The following COL27A1 variants were observed in gnomAD, a reference collection of about 807,000 sequenced individuals.
The protein encoded by COL27A1 is collagen alpha-1(XXVII) chain.
A neutral mutation model predicts 251.3 loss-of-function variants in COL27A1; 106 were observed. The ratio of observed to expected loss-of-function variants is 0.42; its 90% CI spans 0.36 to 0.50. The LOEUF is 0.50. COL27A1 is among the 20% of genes least tolerant of loss of function. The probability of loss-of-function intolerance (pLI) is 0.00; values close to 1 mark genes in which losing one functional copy is unlikely to be tolerated. For missense variants in COL27A1, 2,325 were observed against 2,522.8 expected (o/e 0.92, Z 1.68); for synonymous variants, 1,000 against 986.3 (o/e 1.01, Z -0.26).
intron 31 of COL27A1, 29 bp from the exon 32 acceptor site, chr9:114,265,393 C>T: frequency 6.2e-7 from 1 of 1,611,374 alleles, no homozygotes; most frequent in Non-Finnish European, 8.5e-7. Context: ...CATGGAGGGC[C>T]TAAGGTCACC....
chr9:114,281,265 C>T (rs1466956927), intron 37 of COL27A1, among the ~76,000 whole-genome samples: 1 of 152,238 alleles, frequency 6.6e-6, no homozygotes, highest in Non-Finnish European at 1.5e-5. Flanking sequence ...CCATCCTGAC[C>T]TAGTATGGCC....
intron 3 of COL27A1, among the ~76,000 whole-genome samples, chr9:114,174,936 G>T (rs1431532219): frequency 1.1e-5 from 1 of 89,988 alleles, no homozygotes; most frequent in Non-Finnish European, 2.3e-5. Context: ...CAGAGTCGAG[G>T]CCTAGAGATC....
At chr9:114,298,776 A>G (rs1158388558) in intron 49 of COL27A1, among the ~76,000 whole-genome samples, 2 of 152,392 alleles carry the variant, frequency 1.3e-5, no homozygotes, top group African/African-American at 2.4e-5. Context: ...AGCGAAGTAC[A>G]TAGATTGGAC....
chr9:114,261,808 A>G (rs1003229501), intron 28 of COL27A1, among the ~76,000 whole-genome samples: 3 of 152,178 alleles, frequency 2.0e-5, no homozygotes, highest in Admixed American at 6.5e-5. Context: ...TGGCTCCTCC[A>G]TTTCCTAGCT....
chr9:114,310,834 G>T lies in COL27A1; in HGVS notation c.*139G>T. The T allele has an allele frequency of 1.2e-6, 1 of 808,510 alleles. No individual in the cohort carries two copies. The allele number at this position is 808,510 out of a possible 1,614,324, so 50.1% of individuals were successfully genotyped here. ...CTTGGGCAGACCCCAGCTGTTGTCT[G>T]CCCAGTAGAAGTGGGTGGGGGTAGG... On this transcript the variant is annotated 3_prime_UTR_variant, in exon 61 of 61. Transcript: ENST00000356083.
intron 36 of COL27A1, 129 bp downstream of exon 36, chr9:114,270,910 G>C: frequency 1.3e-6 from 1 of 749,974 alleles, no homozygotes; most frequent in African/African-American, 1.8e-5. Context: ...AGCTCCCATT[G>C]ACAGCAGCTT....
In COL27A1 at chr9:114,237,045, G is replaced by A. The variant is rs1832448748; in HGVS notation, c.2673+11G>A. 1 of 1,594,326 alleles carries A rather than the reference G, an allele frequency of 6.3e-7. No individual in the cohort carries two copies. Among genetic ancestry groups the A allele is most frequent in the Non-Finnish European group, 8.5e-7 (1 of 1,170,322 alleles). ...AAGCCAGGGCCTCTGGTAAGTACCT[G>A]CTCCTCCAGCACCCCCAAACCTCAC... On this transcript the variant is annotated intron_variant, in intron 18 of 60. Transcript: ENST00000356083.
intron 5 of COL27A1, among the ~76,000 whole-genome samples, chr9:114,184,959 G>A (rs1828224935): frequency 6.6e-6 from 1 of 152,154 alleles, no homozygotes; most frequent in African/African-American, 2.4e-5. Context: ...AGTGGAGCCT[G>A]TCTCCTCCCA....
At chr9:114,211,293 G>T (rs1830345744) in intron 12 of COL27A1, among the ~76,000 whole-genome samples, 1 of 152,352 alleles carries the variant, frequency 6.6e-6, no homozygotes, top group Admixed American at 6.5e-5. Flanking sequence ...CTCCAGTGCA[G>T]TTCTGTGTCT....
intron 34 of COL27A1, 43 bp from the exon 35 acceptor site, chr9:114,269,198 T>G: frequency 6.7e-7 from 1 of 1,487,726 alleles, no homozygotes; most frequent in Admixed American, 1.9e-5. Flanking sequence ...GAGCTGGGGC[T>G]GGCCCTACCC....
At chr9:114,207,145 G>T (rs763933173) in intron 10 of COL27A1, among the ~76,000 whole-genome samples, 1 of 152,194 alleles carries the variant, frequency 6.6e-6, no homozygotes, top group Non-Finnish European at 1.5e-5. Context: ...CTCAGGAAGG[G>T]GGTCACACAG....
chr9:114,178,314 A>G lies in COL27A1; in HGVS notation c.1932A>G (p.Leu644=), dbSNP rs3810930. 108,265 of 1,612,920 alleles carry G rather than the reference A, an allele frequency of 0.067. 4,130 individuals carry two copies. The highest frequency in any genetic ancestry group is 0.12 in the South Asian group (10,963 of 90,972). The change falls in exon 4 of 61, where the codon CTA becomes CTG. Residue 644 remains leucine (L), a synonymous_variant. Transcript: ENST00000356083. ...GLPGPPGLPG[L]PGIPGARGPR... ...AGGGTCCCCCTGGGCTACCTGGGCT[A>G]CCTGGAATCCCTGGTGCACGTGGGC...
intron 58 of COL27A1, chr9:114,306,981 A>T (rs1829097337): frequency 2.8e-6 from 1 of 358,116 alleles, no homozygotes; most frequent in South Asian, 3.2e-5. Context: ...GTGAGCCAGG[A>T]TTTTCCCCCT....
At chr9:114,193,886 C>T (rs746605623) in intron 5 of COL27A1, among the ~76,000 whole-genome samples, 2 of 152,156 alleles carry the variant, frequency 1.3e-5, no homozygotes, top group Non-Finnish European at 2.9e-5. Context: ...AGAGACTGGT[C>T]ACCTGGAGGA....
intron 11 of COL27A1, among the ~76,000 whole-genome samples, chr9:114,210,555 G>A (rs1282858332): frequency 6.6e-6 from 1 of 152,102 alleles, no homozygotes; most frequent in African/African-American, 2.4e-5. Context: ...TAAGTCAGAG[G>A]AGTCCAAAAG....
At chr9:114,263,382 C>T (rs1756718444) in intron 28 of COL27A1, among the ~76,000 whole-genome samples, 2 of 152,160 alleles carry the variant, frequency 1.3e-5, no homozygotes, top group South Asian at 4.2e-4. Context: ...CCTGGGCTCC[C>T]GGGCCAGGAT....
At chr9:114,286,220 G>A (rs1481229095) in intron 41 of COL27A1, among the ~76,000 whole-genome samples, 2 of 152,142 alleles carry the variant, frequency 1.3e-5, no homozygotes, top group African/African-American at 4.8e-5. Context: ...AGGGAGGAGA[G>A]AGCAGCTTCC....
At chr9:114,206,013 G>A (rs1019501700) in intron 9 of COL27A1, among the ~76,000 whole-genome samples, 2 of 152,144 alleles carry the variant, frequency 1.3e-5, no homozygotes, top group African/African-American at 2.4e-5. Flanking sequence ...AGTAAGAGGA[G>A]GTCTGGTTCT....
chr9:114,290,898 A>G lies in COL27A1; in HGVS notation c.4457A>G (p.Gln1486Arg), dbSNP rs1312120509. The change falls in exon 48 of 61, where the codon CAG becomes CGG. Residue 1486 changes from glutamine to arginine, a missense_variant. This residue lies in a region of COL27A1 where 153 missense variants were observed against 140.7 expected (regional missense o/e 1.09). Transcript: ENST00000356083. The surrounding 1 kb of genome is among the most constrained non-coding windows in gnomAD (Gnocchi z 4.6). Reference sequence around the variant, plus strand: ...GGTGTGGCCGGCTTACCTGGAGCACAGGGACCCCCAGGATTCAAGGTCAGA... The same window carrying G: ...GGTGTGGCCGGCTTACCTGGAGCACGGGGACCCCCAGGATTCAAGGTCAGA... ...NPGVAGLPGAQGPPGFKGESG... is the reference protein window; with the variant it reads ...NPGVAGLPGARGPPGFKGESG... 6.4e-7 allele frequency: 1 copy of G among 1,551,386 alleles called. No homozygotes were observed. Among genetic ancestry groups the G allele is most frequent in the Non-Finnish European group, 8.7e-7 (1 of 1,146,832 alleles).
Sources: gnomAD v4.1 joint callset for allele counts (sites outside exome capture counted in the v4.1 genomes callset) on GRCh38, gnomAD v4.1.1 for gene constraint, gnomAD v4.1.1 regional missense constraint, Gnocchi (gnomAD v3.1) non-coding constraint, MANE v1.5 for transcripts, NCBI Gene and HGNC (gene_info 2026-07-23, HGNC 2026-07-21) for gene names.